The following RAP1GDS1 variants were observed in gnomAD, a reference collection of about 807,000 sequenced individuals.
RAP1GDS1 encodes the protein RAP1, GTP-GDP dissociation stimulator 1.
In RAP1GDS1, 35 loss-of-function variants were observed where a neutral mutation model predicts 71.1. That is an observed-to-expected ratio of 0.49 (90% CI 0.38 to 0.65). RAP1GDS1 has a LOEUF of 0.65. Among genes scored for constraint, RAP1GDS1 ranks in the 30% least tolerant of loss-of-function variants. The probability of loss-of-function intolerance (pLI) is 0.00; values close to 1 mark genes in which losing one functional copy is unlikely to be tolerated. For missense variants in RAP1GDS1, 663 were observed against 706.1 expected (o/e 0.94, Z 0.69); for synonymous variants, 229 against 243.1 (o/e 0.94, Z 0.54).
chr4:98,416,794 A>G lies in RAP1GDS1; in HGVS notation c.813A>G (p.Leu271=). The change falls in exon 8 of 15, where the codon CTA becomes CTG. Residue 271 remains leucine, a synonymous_variant. Transcript: ENST00000408927. Reference sequence around the variant, plus strand: ...AAGCAGGCCTAGTAGAGTGTCTACTAGAGATTGTTCAGCAAAAAGTGGATA... The same window carrying G: ...AAGCAGGCCTAGTAGAGTGTCTACTGGAGATTGTTCAGCAAAAAGTGGATA... The part of the protein sequence containing the change: ...LVEAGLVECL[L]EIVQQKVDSD... 6.2e-7 allele frequency: 1 copy of G among 1,609,530 alleles called. No individual in the cohort carries two copies.
In RAP1GDS1 at chr4:98,417,447, C is replaced by T; in HGVS notation, c.988C>T (p.His330Tyr). ...ACTCTCTTGGATCCCATCAAATAACCACCAGCTACAGCTTGCTGGAGCATT... is the reference window on the plus strand; with the variant it reads ...ACTCTCTTGGATCCCATCAAATAACTACCAGCTACAGCTTGCTGGAGCATT... ...RVLSWIPSNN[H>Y]QLQLAGALAI... The change falls in exon 9 of 15, where the codon CAC becomes TAC. Residue 330 changes from histidine to tyrosine, a missense_variant. Coordinates refer to ENST00000408927, the MANE Select transcript of RAP1GDS1 (RefSeq NM_001100427.2). The T allele has an allele frequency of 1.9e-6, 3 of 1,613,774 alleles. No homozygotes were observed. Among genetic ancestry groups the T allele is most frequent in the Non-Finnish European group, 2.5e-6 (3 of 1,179,766 alleles).
intron 14 of RAP1GDS1, chr4:98,441,246 C>T: frequency 5.4e-6 from 4 of 743,078 alleles, no homozygotes; most frequent in Non-Finnish European, 6.6e-6. Context: ...TTACATTAAG[C>T]TTATTAGACT....
intron 4 of RAP1GDS1, among the ~76,000 whole-genome samples, chr4:98,369,099 AT>A (rs1038787951): frequency 7.2e-5 from 11 of 152,194 alleles, no homozygotes; most frequent in African/African-American, 2.7e-4. Context: ...ACTGCCCTTT[AT>A]AAAACCATCT....
intron 1 of RAP1GDS1, among the ~76,000 whole-genome samples, chr4:98,269,220 GACAATCTCTTCAATAA>G (rs1332954510): frequency 2.1e-5 from 3 of 144,424 alleles, no homozygotes; most frequent in African/African-American, 7.6e-5. Context: ...ATGGGGACAG[GACAATCTCTTCAATAA>G]ACACTGTTGT....
At chr4:98,311,686 G>A (rs1730243447) in intron 2 of RAP1GDS1, among the ~76,000 whole-genome samples, 1 of 152,224 alleles carries the variant, frequency 6.6e-6, no homozygotes, top group Non-Finnish European at 1.5e-5. Context: ...ACCCAGGCTG[G>A]AGTGCAGTAG....
chr4:98,431,199 A>G (rs1265168967), intron 12 of RAP1GDS1, among the ~76,000 whole-genome samples: 1 of 152,232 alleles, frequency 6.6e-6, no homozygotes, highest in Non-Finnish European at 1.5e-5. Context: ...TTGCTCATTC[A>G]TCCAACAAAC....
intron 2 of RAP1GDS1, among the ~76,000 whole-genome samples, chr4:98,297,656 A>G (rs1192833885): frequency 6.6e-6 from 1 of 152,098 alleles, no homozygotes; most frequent in African/African-American, 2.4e-5. Context: ...CCCACCAACT[A>G]GCTATGCCGT....
chr4:98,370,247 G>A (rs1740171236), intron 4 of RAP1GDS1, among the ~76,000 whole-genome samples: 1 of 152,072 alleles, frequency 6.6e-6, no homozygotes. Flanking sequence ...ATATATTGAT[G>A]AAACTGACTG....
At chr4:98,284,800 A>G (rs1358089329) in intron 1 of RAP1GDS1, among the ~76,000 whole-genome samples, 1 of 152,146 alleles carries the variant, frequency 6.6e-6, no homozygotes, top group Non-Finnish European at 1.5e-5. Context: ...TCAGGAAGCT[A>G]AGCCTTGTAG....
intron 7 of RAP1GDS1, among the ~76,000 whole-genome samples, chr4:98,412,577 G>C (rs1026795736): frequency 6.6e-6 from 1 of 152,150 alleles, no homozygotes; most frequent in Non-Finnish European, 1.5e-5. Flanking sequence ...TTTATCTTAA[G>C]GAGTATCAAC....
chr4:98,360,564 A>G (rs949694231), intron 4 of RAP1GDS1, among the ~76,000 whole-genome samples: 3 of 152,318 alleles, frequency 2.0e-5, no homozygotes, highest in African/African-American at 7.2e-5. Context: ...TGTGAAACAT[A>G]AGATTTCCAG....
intron 12 of RAP1GDS1, among the ~76,000 whole-genome samples, chr4:98,423,551 G>A (rs547978074): frequency 2.6e-5 from 4 of 151,380 alleles, no homozygotes; most frequent in Non-Finnish European, 4.4e-5. Context: ...TTGTTTTTTC[G>A]GGGTTTTTTT....
chr4:98,285,022 T>C (rs1323009299), intron 1 of RAP1GDS1, among the ~76,000 whole-genome samples: 1 of 152,184 alleles, frequency 6.6e-6, no homozygotes, highest in Non-Finnish European at 1.5e-5. Flanking sequence ...CCATCTTGAA[T>C]GTGCCCTTTG....
intron 4 of RAP1GDS1, among the ~76,000 whole-genome samples, chr4:98,374,597 T>A (rs1017133604): frequency 1.3e-5 from 2 of 152,208 alleles, no homozygotes; most frequent in Non-Finnish European, 2.9e-5. Context: ...ATTTAATCTC[T>A]GGAATTGAGC....
chr4:98,309,313 C>T (rs1223074020), intron 2 of RAP1GDS1, among the ~76,000 whole-genome samples: 1 of 151,908 alleles, frequency 6.6e-6, no homozygotes, highest in African/African-American at 2.4e-5. Flanking sequence ...AATCTTAATT[C>T]ACACAAATCT....
At chr4:98,310,745 G>A (rs1730102499) in intron 2 of RAP1GDS1, among the ~76,000 whole-genome samples, 1 of 151,884 alleles carries the variant, frequency 6.6e-6, no homozygotes, top group Non-Finnish European at 1.5e-5. Flanking sequence ...GCCACATATG[G>A]TTATTGAGCA....
intron 6 of RAP1GDS1, among the ~76,000 whole-genome samples, chr4:98,400,210 T>C: frequency 6.6e-6 from 1 of 151,932 alleles, no homozygotes; most frequent in East Asian, 1.9e-4. Flanking sequence ...GTCTCCTTAC[T>C]GGGTATTTAT....
chr4:98,418,853 T>A (rs1031533255), intron 10 of RAP1GDS1, 62 bp downstream of exon 10: 123 of 1,449,448 alleles, frequency 8.5e-5, no homozygotes, highest in Non-Finnish European at 1.1e-4. Context: ...GGGGAAGCTA[T>A]TAACTGTATG....
chr4:98,439,324 T>G (rs28733733), intron 14 of RAP1GDS1, among the ~76,000 whole-genome samples: 24,273 of 152,204 alleles, frequency 0.16, 2,660 homozygotes, highest in African/African-American at 0.3. Context: ...TAGGTAAGGT[T>G]TCATTTTTGT....
Sources: gnomAD v4.1 joint callset for allele counts (sites outside exome capture counted in the v4.1 genomes callset) on GRCh38, gnomAD v4.1.1 for gene constraint, MANE v1.5 for transcripts, NCBI Gene and HGNC (gene_info 2026-07-23, HGNC 2026-07-21) for gene names.